The following CD53 variants were observed in gnomAD, a reference collection of about 807,000 sequenced individuals.
The protein encoded by CD53 is leukocyte surface antigen CD53.
CD53 carries 20 observed loss-of-function variants against 27.3 expected under a neutral mutation model. That is an observed-to-expected ratio of 0.73 (90% CI 0.52 to 1.07). CD53 has a LOEUF of 1.07. Among genes scored for constraint, CD53 ranks in the 50% least tolerant of loss-of-function variants. CD53 has a pLI of 0.00. For synonymous variants in CD53, 106 were observed against 105.3 expected (o/e 1.01, Z -0.04); for missense variants, 216 against 264.0 (o/e 0.82, Z 1.26).
At position 110,891,399 on chromosome 1, in the gene CD53, A is replaced by G. The variant is rs1192957451; in HGVS notation, c.-10A>G. The G allele has an allele frequency of 6.2e-7, 1 of 1,611,126 alleles. No homozygotes were observed. The highest frequency in any genetic ancestry group is 8.5e-7 in the Non-Finnish European group (1 of 1,177,372). ...TTCTTCCTTATTCCTTAGGGCAAGAATATCACGGCATGGGCATGAGTAGCT... is the reference window on the plus strand; with the variant it reads ...TTCTTCCTTATTCCTTAGGGCAAGAGTATCACGGCATGGGCATGAGTAGCT... On this transcript the variant is annotated 5_prime_UTR_variant, in exon 2 of 8. Coordinates refer to ENST00000271324, the MANE Select transcript of CD53 (RefSeq NM_000560.4).
chr1:110,882,783 C>T (rs1284991597), intron 1 of CD53, among the ~76,000 whole-genome samples: 1 of 151,936 alleles, frequency 6.6e-6, no homozygotes, highest in Admixed American at 6.6e-5. Flanking sequence ...TCTTTCACAA[C>T]TTTTGTCAGA....
At chr1:110,878,774 T>C (rs570700884) in intron 1 of CD53, among the ~76,000 whole-genome samples, 1 of 152,348 alleles carries the variant, frequency 6.6e-6, no homozygotes, top group South Asian at 2.1e-4. Flanking sequence ...TTGCCTTTTA[T>C]TGCTGGGATT....
upstream of CD53, among the ~76,000 whole-genome samples, chr1:110,871,575 T>C (rs1447072363): frequency 6.6e-6 from 1 of 152,076 alleles, no homozygotes; most frequent in African/African-American, 2.4e-5. Context: ...TCATGGCATC[T>C]ATATAGATTT....
chr1:110,896,881 A>G, intron 6 of CD53, 148 bp downstream of exon 6: 1 of 646,416 alleles, frequency 1.5e-6, no homozygotes, highest in African/African-American at 1.8e-5. Context: ...ACCTTGGGTA[A>G]TTAGAAAAGT....
chr1:110,874,966 T>C (rs1570892813), intron 1 of CD53, among the ~76,000 whole-genome samples: 1 of 151,802 alleles, frequency 6.6e-6, no homozygotes, highest in African/African-American at 2.4e-5. Flanking sequence ...CTGAAAGGAG[T>C]TGTAGAGTTT....
intron 1 of CD53, among the ~76,000 whole-genome samples, chr1:110,879,431 C>T (rs930307306): frequency 1.3e-5 from 2 of 152,196 alleles, no homozygotes; most frequent in African/African-American, 4.8e-5. Flanking sequence ...CTGTGTTCCA[C>T]AGAATACTAT....
intron 1 of CD53, among the ~76,000 whole-genome samples, chr1:110,885,203 T>C (rs1656526384): frequency 6.6e-6 from 1 of 152,230 alleles, no homozygotes; most frequent in Non-Finnish European, 1.5e-5. Context: ...TTTACATTTA[T>C]TATTAATGCA....
At chr1:110,884,146 T>A (rs1333671732) in intron 1 of CD53, among the ~76,000 whole-genome samples, 2 of 152,084 alleles carry the variant, frequency 1.3e-5, no homozygotes, top group Non-Finnish European at 2.9e-5. Flanking sequence ...GCTATAGACA[T>A]TTAGCACTAA....
At chr1:110,872,982 A>G (rs2101032620), upstream of CD53, among the ~76,000 whole-genome samples, 1 of 152,252 alleles carries the variant, frequency 6.6e-6, no homozygotes, top group African/African-American at 2.4e-5. Flanking sequence ...TCACAAAACT[A>G]GTTTAGGGTG....
In CD53 at chr1:110,882,804, A is replaced by G. The variant is rs1351260893; in HGVS notation, c.-17-8588A>G. On this transcript the variant is annotated intron_variant, in intron 1 of 7. Coordinates refer to ENST00000271324, the MANE Select transcript of CD53 (RefSeq NM_000560.4). ...ACAACTTTTGTCAGATTTATGCCTA[A>G]GTATTTCATATATGATGCTATTGTA... Among the ~76,000 whole-genome samples, 12 of 152,060 alleles carry G rather than the reference A, an allele frequency of 7.9e-5. 1 individual carries two copies. Among genetic ancestry groups the G allele is most frequent in the Non-Finnish European group, 4.4e-5 (3 of 67,882 alleles).
chr1:110,887,474 C>T (rs1656674197), intron 1 of CD53, among the ~76,000 whole-genome samples: 3 of 152,146 alleles, frequency 2.0e-5, no homozygotes, highest in African/African-American at 7.2e-5. Flanking sequence ...TCTTGCATGC[C>T]TGATATTTTG....
chr1:110,891,624 T>C (rs1656857868), intron 2 of CD53, among the ~76,000 whole-genome samples, 153 bp downstream of exon 2: 1 of 152,156 alleles, frequency 6.6e-6, no homozygotes, highest in Non-Finnish European at 1.5e-5. Flanking sequence ...GTAATAATTT[T>C]TCCCCTCTTC....
At chr1:110,881,902 A>T (rs911096540) in intron 1 of CD53, among the ~76,000 whole-genome samples, 3 of 152,200 alleles carry the variant, frequency 2.0e-5, no homozygotes, top group Admixed American at 6.5e-5. Flanking sequence ...TTTGCCATCC[A>T]TATAGTATCT....
At chr1:110,888,387 T>C (rs1297137918) in intron 1 of CD53, among the ~76,000 whole-genome samples, 1 of 152,178 alleles carries the variant, frequency 6.6e-6, no homozygotes, top group East Asian at 1.9e-4. Context: ...TGCCAGGCTC[T>C]CCCTCTATGC....
At chr1:110,879,326 G>T (rs1372305887) in intron 1 of CD53, among the ~76,000 whole-genome samples, 1 of 152,168 alleles carries the variant, frequency 6.6e-6, no homozygotes, top group Non-Finnish European at 1.5e-5. Flanking sequence ...GTGAAAGACA[G>T]GTTAAGCAAG....
In CD53 at chr1:110,885,110, A is replaced by G. The variant is rs137873913; in HGVS notation, c.-17-6282A>G. Among the ~76,000 whole-genome samples the G allele has an allele frequency of 3.1e-3, 471 of 152,100 alleles. 2 individuals carry two copies. Among genetic ancestry groups the G allele is most frequent in the African/African-American group, 0.011 (447 of 41,488 alleles). ...ATTTTTACCTTCAAGTGAGATTTCC[A>G]CTTTACATATAAGAAGCTCACAGTA... On this transcript the variant is annotated intron_variant, in intron 1 of 7. Coordinates refer to ENST00000271324, the MANE Select transcript of CD53 (RefSeq NM_000560.4).
At chr1:110,894,141 T>C (rs947229268) in intron 3 of CD53, among the ~76,000 whole-genome samples, 186 bp from the exon 4 acceptor site, 2 of 152,210 alleles carry the variant, frequency 1.3e-5, no homozygotes, top group African/African-American at 4.8e-5. Context: ...TGATCTGCCC[T>C]CTAGAGTCTA....
At chr1:110,881,958 T>C (rs2101044626) in intron 1 of CD53, among the ~76,000 whole-genome samples, 1 of 152,344 alleles carries the variant, frequency 6.6e-6, no homozygotes, top group African/African-American at 2.4e-5. Flanking sequence ...TTTTAAAAAT[T>C]GGATTGTTTA....
At chr1:110,883,565 A>G (rs1656443252) in intron 1 of CD53, among the ~76,000 whole-genome samples, 1 of 151,928 alleles carries the variant, frequency 6.6e-6, no homozygotes, top group Non-Finnish European at 1.5e-5. Context: ...CTCACAGGAT[A>G]AGGTAGAGAG....
Sources: allele counts gnomAD v4.1 joint callset (sites outside exome capture counted in the v4.1 genomes callset), GRCh38; gene constraint gnomAD v4.1.1; transcripts MANE v1.5; gene names NCBI Gene and HGNC (gene_info 2026-07-23, HGNC 2026-07-21).